MYO7B: variants seen among roughly 807,000 people sequenced by gnomAD.
MYO7B encodes unconventional myosin-VIIb.
Under a neutral mutation model 259.7 loss-of-function variants are expected in MYO7B, and 212 were observed. The observed-to-expected ratio is 0.82, with a 90% CI of 0.73 to 0.91. MYO7B has a LOEUF of 0.91. Ranked by LOEUF, MYO7B falls within the 40% of genes least tolerant of loss-of-function variation. The probability of loss-of-function intolerance (pLI) is 0.00; values close to 1 mark genes in which losing one functional copy is unlikely to be tolerated. For synonymous variants in MYO7B, 1,197 were observed against 1,166.4 expected, an observed-to-expected ratio of 1.03 and a Z score of -0.54; for missense variants, 2,732 against 2,813.5, an observed-to-expected ratio of 0.97 and a Z score of 0.66.
chr2:127,542,319 T>C (rs1331973271), intron 1 of MYO7B, among the ~76,000 whole-genome samples: 1 of 152,198 alleles, frequency 6.6e-6, no homozygotes, highest in East Asian at 1.9e-4. Context: ...CTCAGGACCC[T>C]TTTTCTCTGG....
Position 127,578,113 on chromosome 2 carries a change from T to C in MYO7B, c.850-20T>C, listed in dbSNP as rs750502458. ...TGGGGCAGGGGATGGCCCCATTCAC[T>C]GAGGCACCCTGTCCCTCAGGGGAAC... On this transcript the variant is annotated intron_variant, in intron 8 of 47. Coordinates refer to ENST00000409816, the MANE Select transcript of MYO7B (RefSeq NM_001393586.1). 2.3e-5 allele frequency: 37 copies of C among 1,612,832 alleles called. No homozygotes were observed. In the Admixed American group the frequency reaches 3.3e-4, roughly 15 times the overall value.
rs532470855 is a variant in MYO7B, at chr2:127,607,225, G to A, written c.2444G>A (p.Arg815His). Residue 815 changes from arginine (R) to histidine (H), a missense_variant, in exon 21 of 48, where the codon CGC (arginine) becomes CAC (histidine). Transcript: ENST00000409816. This position sits in a 1 kb window ranked among gnomAD's most constrained non-coding sequence, Gnocchi z 4.4. ...NFKLILVGFE[R>H]LQAIARSQPL... Reference sequence around the variant, plus strand: ...CCGCAGATCCTCGTGGGCTTTGAGCGCCTGCAGGCTATTGCCCGGAGCCAG... The same window carrying A: ...CCGCAGATCCTCGTGGGCTTTGAGCACCTGCAGGCTATTGCCCGGAGCCAG... The A allele has an allele frequency of 1.4e-5, 22 of 1,549,340 alleles. No homozygotes were observed. In the South Asian group the frequency reaches 1.7e-4, roughly 12 times the overall value.
rs143465391 is a variant in MYO7B at position 127,576,770 on chromosome 2, G to T, written c.849+62G>T. ...GAAGGGAGGAAAAAGAGCTTGTGCCGCTCCACCCTCCGCGACAGCTGCAGA... is the reference window on the plus strand; with the variant it reads ...GAAGGGAGGAAAAAGAGCTTGTGCCTCTCCACCCTCCGCGACAGCTGCAGA... On this transcript the variant is annotated intron_variant, in intron 8 of 47. Coordinates refer to ENST00000409816, the MANE Select transcript of MYO7B (RefSeq NM_001393586.1). This position sits in a 1 kb window ranked among gnomAD's most constrained non-coding sequence, Gnocchi z 4.9. 4.8e-4 allele frequency: 588 copies of T among 1,236,078 alleles called. 3 individuals carry two copies. The African/African-American group carries it at 7.8e-3, about 16-fold the overall frequency. 76.6% of individuals were successfully genotyped at this position (1,236,078 alleles called of 1,614,324 possible).
rs950406555 is a variant in MYO7B at position 127,559,881 on chromosome 2, A to C, written c.18+141A>C. 1.5e-5 allele frequency: 15 copies of C among 997,370 alleles called. No homozygotes were observed. Among genetic ancestry groups the C allele is most frequent in the Non-Finnish European group, 2.2e-5 (14 of 635,292 alleles). 61.8% of individuals were successfully genotyped at this position (997,370 alleles called of 1,614,324 possible). On this transcript the variant is annotated intron_variant, in intron 2 of 47. Transcript: ENST00000409816. The surrounding 1 kb of genome is among the most constrained non-coding windows in gnomAD (Gnocchi z 4.1). Reference sequence around the variant, plus strand: ...GACAGGGGAGTTTAGGAAACACGACAGATTCTAGCATCTAAAGAAAACAAG... The same window carrying C: ...GACAGGGGAGTTTAGGAAACACGACCGATTCTAGCATCTAAAGAAAACAAG...
intron 21 of MYO7B, 67 bp from the exon 22 acceptor site, chr2:127,608,641 G>A (rs1418397066): frequency 2.0e-6 from 3 of 1,515,212 alleles, no homozygotes; most frequent in Non-Finnish European, 2.7e-6. Context: ...GCCCTGTGGG[G>A]TAGGCAGGGC....
chr2:127,621,802 C>T (rs938298488), intron 27 of MYO7B, among the ~76,000 whole-genome samples, 180 bp from the exon 28 acceptor site: 5 of 152,238 alleles, frequency 3.3e-5, no homozygotes, highest in Admixed American at 6.5e-5. Context: ...CCGTTTAAAA[C>T]GTGTTGCCAA....
Position 127,628,534 on chromosome 2 carries a change from A to G in MYO7B, c.4623A>G (p.Thr1541=). 1 of 1,095,624 alleles carries G rather than the reference A, an allele frequency of 9.1e-7. No homozygotes were observed. Among genetic ancestry groups the G allele is most frequent in the Non-Finnish European group, 1.2e-6 (1 of 854,848 alleles). 67.9% of individuals were successfully genotyped at this position (1,095,624 alleles called of 1,614,324 possible). ...FAMALQDRKA[T]DDTTLLAFKK... is the part of the protein sequence containing the mutation. The stretch of plus-strand genomic sequence containing the variant: ...TGGCCCTGCAGGACAGGAAGGCCAC[A>G]GGTGCCAGACTGGGTGGGGTGGGGT... The change falls in exon 34 of 48, where the codon ACA becomes ACG. Residue 1541 remains threonine, a splice_region_variant and synonymous_variant. Transcript: ENST00000409816. This position sits in a 1 kb window ranked among gnomAD's most constrained non-coding sequence, Gnocchi z 4.8.
intron 31 of MYO7B, chr2:127,626,694 G>A (rs552540719): frequency 1.6e-5 from 5 of 307,226 alleles, no homozygotes; most frequent in South Asian, 7.8e-5. Context: ...CAGAAGAATC[G>A]CTTGAACTCG....
In MYO7B at chr2:127,584,232, A is replaced by C; in HGVS notation, c.1454A>C (p.Asp485Ala). 1 of 1,613,960 alleles carries C rather than the reference A, an allele frequency of 6.2e-7. No homozygotes were observed. The highest frequency in any genetic ancestry group is 1.6e-4 in the Middle Eastern group (1 of 6,062). ...TACCGCTCGGAGAACATCTCCTGGG[A>C]CTATATCCACTACACCGACAATCGG... ...EEYRSENISW[D>A]YIHYTDNRPT... Residue 485 changes from aspartate (D) to alanine (A), a missense_variant, in exon 13 of 48, where the codon GAC becomes GCC. Coordinates refer to ENST00000409816, the MANE Select transcript of MYO7B (RefSeq NM_001393586.1). The surrounding 1 kb of genome is among the most constrained non-coding windows in gnomAD (Gnocchi z 5.8).
chr2:127,549,167 T>C (rs112772817), intron 1 of MYO7B, among the ~76,000 whole-genome samples: 134 of 6,932 alleles, frequency 0.019, 2 homozygotes, highest in South Asian at 0.027. Flanking sequence ...TTCCTTCCTT[T>C]CTTTCTTTCT....
chr2:127,550,641 C>A (rs757830029), intron 1 of MYO7B, among the ~76,000 whole-genome samples: 36 of 150,586 alleles, frequency 2.4e-4, no homozygotes, highest in Non-Finnish European at 4.3e-4. Flanking sequence ...CTTGTAGGAG[C>A]AAAGTGAGAT....
chr2:127,569,330 G>T (rs1338230393), intron 5 of MYO7B, among the ~76,000 whole-genome samples: 3 of 152,202 alleles, frequency 2.0e-5, no homozygotes, highest in Non-Finnish European at 4.4e-5. Context: ...GGGACTGTGG[G>T]AGTCTGTTTT....
At position 127,609,532 on chromosome 2, in the gene MYO7B, G is replaced by A. The variant is rs1393407633; in HGVS notation, c.2841G>A (p.Leu947=). ...FEDLESKTQK[L]LEVDLDTVPM... The stretch of plus-strand genomic sequence containing the variant: ...ATCTGGAATCGAAGACCCAGAAGCT[G>A]CTTGAGGTTGACCTGGACACAGTCC... Residue 947 remains leucine, a synonymous_variant, in exon 23 of 48, where the codon CTG becomes CTA. Coordinates refer to ENST00000409816, the MANE Select transcript of MYO7B (RefSeq NM_001393586.1). This position sits in a 1 kb window ranked among gnomAD's most constrained non-coding sequence, Gnocchi z 6.9. 6.2e-7 allele frequency: 1 copy of A among 1,613,660 alleles called. No individual in the cohort carries two copies. Among genetic ancestry groups the A allele is most frequent in the South Asian group, 1.1e-5 (1 of 90,998 alleles).
chr2:127,593,025 C>T, intron 17 of MYO7B, 79 bp downstream of exon 17: 1 of 1,505,128 alleles, frequency 6.6e-7, no homozygotes, highest in South Asian at 1.2e-5. Context: ...CCCCCAGTAC[C>T]GAGGGGGTCT....
In MYO7B at chr2:127,608,890, C is replaced by G; in HGVS notation, c.2814+12C>G. 6.2e-7 allele frequency: 1 copy of G among 1,607,846 alleles called. No homozygotes were observed. The highest frequency in any genetic ancestry group is 1.3e-5 in the African/African-American group (1 of 74,962). ...CGCCGCACTTTGAGGTAACACAAGC[C>G]TGGTGTCCACAATCCGCCCCGGGTG... is the stretch of plus-strand genomic sequence containing the variant. On this transcript the variant is annotated intron_variant, in intron 22 of 47. Transcript: ENST00000409816.
At chr2:127,549,962 C>T (rs1693385190) in intron 1 of MYO7B, among the ~76,000 whole-genome samples, 1 of 152,124 alleles carries the variant, frequency 6.6e-6, no homozygotes, top group Non-Finnish European at 1.5e-5. Context: ...CCACATCTGC[C>T]AATTTTATTC....
intron 29 of MYO7B, among the ~76,000 whole-genome samples, chr2:127,623,681 G>A (rs774663514): frequency 6.6e-6 from 1 of 152,106 alleles, no homozygotes; most frequent in Admixed American, 6.5e-5. Context: ...CCAGTCTCCT[G>A]CTCCAAACTC....
rs768486949 is a variant in MYO7B at position 127,635,691 on chromosome 2, A to ACCCAGCATG, written c.5821-25_5821-17dup. 1.2e-3 allele frequency: 1,891 copies of ACCCAGCATG among 1,576,120 alleles called. 2 individuals carry two copies. The highest frequency in any genetic ancestry group is 1.3e-3 in the Non-Finnish European group (1,535 of 1,160,828). Reference sequence around the variant, plus strand: ...GGGGGCGGGTGGGCCGCAGCTGGAGACCCAGCATGCCCAGTGTGTCCATCA... The same window carrying ACCCAGCATG: ...GGGGGCGGGTGGGCCGCAGCTGGAGACCCAGCATGCCCAGCATGCCCAGTGTGTCCATCA... On this transcript the variant is annotated intron_variant, in intron 43 of 47. Transcript: ENST00000409816.
rs1275530811 is a variant in MYO7B at position 127,578,289 on chromosome 2, A to G, written c.1003+3A>G. Reference sequence around the variant, plus strand: ...CCTGGGGAATGTGGGGTTCATGGGTAATGCCGGTTCTGCCCCAACTGCACC... The same window carrying G: ...CCTGGGGAATGTGGGGTTCATGGGTGATGCCGGTTCTGCCCCAACTGCACC... On this transcript the variant is annotated splice_donor_region_variant and intron_variant, in intron 9 of 47. Transcript: ENST00000409816. 1 of 1,613,282 alleles carries G rather than the reference A, an allele frequency of 6.2e-7. No individual in the cohort carries two copies. Among genetic ancestry groups the G allele is most frequent in the Non-Finnish European group, 8.5e-7 (1 of 1,179,796 alleles).
Sources: gnomAD v4.1 joint callset for allele counts (sites outside exome capture counted in the v4.1 genomes callset) on GRCh38, gnomAD v4.1.1 for gene constraint, Gnocchi (gnomAD v3.1) non-coding constraint, MANE v1.5 for transcripts, NCBI Gene and HGNC (gene_info 2026-07-23, HGNC 2026-07-21) for gene names.